The following CEP97 variants were observed in gnomAD, a reference collection of about 807,000 sequenced individuals.
The protein encoded by CEP97 is centrosomal protein of 97 kDa.
CEP97 carries 43 observed loss-of-function variants against 73.1 expected under a neutral mutation model. The ratio of observed to expected loss-of-function variants is 0.59; its 90% CI spans 0.46 to 0.76. CEP97 has a LOEUF of 0.76. CEP97 is among the 30% of genes least tolerant of loss of function. The pLI is 0.00. For synonymous variants in CEP97, 337 were observed against 370.0 expected (o/e 0.91, Z 1.02); for missense variants, 939 against 1,014.0 (o/e 0.93, Z 1.00).
chr3:101,724,649 T>C lies in CEP97; in HGVS notation c.-28T>C, dbSNP rs578050989. ...CTCCACAGAGCCGCGGGAGGACGGT[T>C]GCCTGGTATTATTAGCAAGCAGCAA... On this transcript the variant is annotated 5_prime_UTR_variant, in exon 1 of 11. Coordinates refer to ENST00000341893, the MANE Select transcript of CEP97 (RefSeq NM_024548.4). 2.5e-6 allele frequency: 4 copies of C among 1,614,104 alleles called. No individual in the cohort carries two copies. The East Asian group carries it at 8.9e-5, about 36-fold the overall frequency.
intron 4 of CEP97, among the ~76,000 whole-genome samples, chr3:101,729,494 C>T (rs991053650): frequency 1.3e-5 from 2 of 152,098 alleles, no homozygotes; most frequent in Non-Finnish European, 2.9e-5. Flanking sequence ...TCCCTGTATG[C>T]CCAATCAACC....
intron 1 of CEP97, among the ~76,000 whole-genome samples, chr3:101,725,463 T>A (rs891817068): frequency 6.6e-6 from 1 of 151,912 alleles, no homozygotes; most frequent in African/African-American, 2.4e-5. Context: ...AGACCAGGAG[T>A]GCATTTTCTG....
chr3:101,738,004 T>A (rs1373080333), intron 6 of CEP97, among the ~76,000 whole-genome samples: 36 of 23,206 alleles, frequency 1.6e-3, no homozygotes, highest in Admixed American at 2.3e-3. Context: ...ACCAAACAAA[T>A]GGAAAGCAAA....
chr3:101,765,085 T>G lies in CEP97; in HGVS notation c.2132T>G (p.Val711Gly). 6.2e-7 allele frequency: 1 copy of G among 1,614,188 alleles called. No individual in the cohort carries two copies. Among genetic ancestry groups the G allele is most frequent in the East Asian group, 2.2e-5 (1 of 44,874 alleles). Reference protein sequence around the residue: ...SGFHSSLTEQVHSLQHSLDFE... With the variant: ...SGFHSSLTEQGHSLQHSLDFE... ...TTTCATTCCTCTCTAACAGAACAAG[T>G]TCATTCATTGCAGCATTCTTTGGAT... The change falls in exon 11 of 11, where the codon GTT becomes GGT. Residue 711 changes from valine (V) to glycine (G), a missense_variant. Physicochemically the swap from Val to Gly is moderately radical, Grantham distance 109 (BLOSUM62 -3). Transcript: ENST00000341893.
chr3:101,731,788 C>T, intron 4 of CEP97, 52 bp from the exon 5 acceptor site: 1 of 1,034,996 alleles, frequency 9.7e-7, no homozygotes. Flanking sequence ...CACAATAGGC[C>T]AATTTATTTG....
chr3:101,761,765 T>G (rs1939183586), intron 9 of CEP97, among the ~76,000 whole-genome samples: 2 of 152,092 alleles, frequency 1.3e-5, no homozygotes, highest in African/African-American at 4.8e-5. Flanking sequence ...GGAGAAAGGC[T>G]TGGGGGGCTA....
chr3:101,751,581 A>G (rs528644854), intron 6 of CEP97, among the ~76,000 whole-genome samples: 6 of 152,336 alleles, frequency 3.9e-5, no homozygotes, highest in Admixed American at 2.6e-4. Context: ...GACTTGCTTT[A>G]TGAATCTGGG....
chr3:101,734,544 T>C (rs1200104458), intron 6 of CEP97, among the ~76,000 whole-genome samples: 1 of 152,142 alleles, frequency 6.6e-6, no homozygotes, highest in African/African-American at 2.4e-5. Context: ...CTGTTTTGTA[T>C]AGTTTCTGAG....
chr3:101,768,847 G>A lies in CEP97; in HGVS notation c.*3296G>A, dbSNP rs936071374. 6.6e-6 allele frequency: 1 copy of A among 152,124 alleles called. No homozygotes were observed. Among genetic ancestry groups the A allele is most frequent in the African/African-American group, 2.4e-5 (1 of 41,434 alleles). The allele number at this position is 152,124 out of a possible 1,614,324, so 9.4% of individuals were successfully genotyped here. ...GTTAAAATGTTAACTCTCCTGGTGT[G>A]CAGAAAGCTGTAATCATGACAGTTG... On this transcript the variant is annotated 3_prime_UTR_variant, in exon 11 of 11. Transcript: ENST00000341893.
chr3:101,758,284 G>T lies in CEP97; in HGVS notation c.1678G>T (p.Asp560Tyr). The change falls in exon 9 of 11, where the codon GAT becomes TAT. Residue 560 changes from aspartate to tyrosine, a missense_variant. By Grantham distance (160) the Asp-to-Tyr change is radical (BLOSUM62 -3). Transcript: ENST00000341893. ...CAAAGTTGCCCTTCAGAAATTAAAT[G>T]ATGCAGCCACCAAGCTTCAGGCCTG... ...QDKVALQKLN[D>Y]AATKLQACWR... The T allele has an allele frequency of 6.2e-7, 1 of 1,614,190 alleles. No homozygotes were observed. Among genetic ancestry groups the T allele is most frequent in the Non-Finnish European group, 8.5e-7 (1 of 1,180,028 alleles).
intron 6 of CEP97, among the ~76,000 whole-genome samples, chr3:101,737,021 C>T (rs1360635213): frequency 6.6e-6 from 1 of 152,152 alleles, no homozygotes; most frequent in Non-Finnish European, 1.5e-5. Context: ...CTGCAAAACA[C>T]AGCACGAGAA....
rs1939309705 is a variant in CEP97, at chr3:101,766,026, G to A, written c.*475G>A. 1 of 152,208 alleles carries A rather than the reference G, an allele frequency of 6.6e-6. No homozygotes were observed. The highest frequency in any genetic ancestry group is 6.5e-5 in the Admixed American group (1 of 15,268). The allele number at this position is 152,208 out of a possible 1,614,324, so 9.4% of individuals were successfully genotyped here. The stretch of plus-strand genomic sequence containing the variant: ...GATTGTGAATTATTGAAATTTGCCA[G>A]TCTCCCTGGTGTAAAATGTTTTTTT... On this transcript the variant is annotated 3_prime_UTR_variant, in exon 11 of 11. Coordinates refer to ENST00000341893, the MANE Select transcript of CEP97 (RefSeq NM_024548.4).
intron 6 of CEP97, among the ~76,000 whole-genome samples, chr3:101,740,632 C>G (rs1179352159): frequency 1.3e-5 from 2 of 151,890 alleles, no homozygotes; most frequent in African/African-American, 2.4e-5. Flanking sequence ...TCTTGTTGCC[C>G]AGGCTGGAGT....
intron 6 of CEP97, among the ~76,000 whole-genome samples, chr3:101,749,380 A>G (rs879703578): frequency 1.4e-5 from 2 of 140,292 alleles, no homozygotes; most frequent in Non-Finnish European, 3.1e-5. Flanking sequence ...ACATTTTCTT[A>G]ATCCAGTCTA....
Position 101,767,255 on chromosome 3 carries a change from A to G in CEP97, c.*1704A>G, listed in dbSNP as rs1197139318. ...TTCTGTTTCTTATAAATAAAAGAGT[A>G]ATCTTACTTTCAGAAGGATTTTCCT... is the stretch of plus-strand genomic sequence containing the variant. On this transcript the variant is annotated 3_prime_UTR_variant, in exon 11 of 11. Transcript: ENST00000341893. 6.6e-6 allele frequency: 1 copy of G among 152,240 alleles called. No homozygotes were observed. Among genetic ancestry groups the G allele is most frequent in the African/African-American group, 2.4e-5 (1 of 41,466 alleles). 9.4% of individuals were successfully genotyped at this position (152,240 alleles called of 1,614,324 possible).
rs1429094111 is a variant in CEP97, at chr3:101,768,928, T to C, written c.*3377T>C. 2 of 152,230 alleles carry C rather than the reference T, an allele frequency of 1.3e-5. No individual in the cohort carries two copies. The highest frequency in any genetic ancestry group is 4.8e-5 in the African/African-American group (2 of 41,450). 9.4% of individuals were successfully genotyped at this position (152,230 alleles called of 1,614,324 possible). A position where few individuals can be genotyped will look rare whatever the true frequency, so the allele number is the denominator to read the frequency against. ...TTTAATTATAAAAGGCTTCACAATATGCATGTTTTAGGAAAATGTTCATTT... is the reference window on the plus strand; with the variant it reads ...TTTAATTATAAAAGGCTTCACAATACGCATGTTTTAGGAAAATGTTCATTT... On this transcript the variant is annotated 3_prime_UTR_variant, in exon 11 of 11. Transcript: ENST00000341893.
intron 4 of CEP97, among the ~76,000 whole-genome samples, chr3:101,730,678 G>A (rs1293144181): frequency 6.6e-6 from 1 of 151,466 alleles, no homozygotes; most frequent in Non-Finnish European, 1.5e-5. Context: ...GTAGCATGTA[G>A]CACTTTTTAT....
Position 101,728,894 on chromosome 3 carries a change from A to C in CEP97, c.404A>C (p.Asn135Thr), listed in dbSNP as rs993618832. The change falls in exon 4 of 11, where the codon AAT becomes ACT. Residue 135 changes from asparagine to threonine, a missense_variant. By Grantham distance (65) the Asn-to-Thr change is moderately conservative (BLOSUM62 0). Transcript: ENST00000341893. Reference protein sequence around the residue: ...ALQHLDLSDNNISQIGDLSKL... With the variant: ...ALQHLDLSDNTISQIGDLSKL... The stretch of plus-strand genomic sequence containing the variant: ...CAGCATCTCGATTTATCAGACAATA[A>C]TATATCCCAGATAGGTGATCTATCT... The C allele has an allele frequency of 6.2e-7, 1 of 1,605,180 alleles. No homozygotes were observed. The highest frequency in any genetic ancestry group is 1.3e-5 in the African/African-American group (1 of 74,882).
At position 101,768,876 on chromosome 3, in the gene CEP97, A is replaced by C. The variant is rs1445161503; in HGVS notation, c.*3325A>C. On this transcript the variant is annotated 3_prime_UTR_variant, in exon 11 of 11. Coordinates refer to ENST00000341893, the MANE Select transcript of CEP97 (RefSeq NM_024548.4). Reference sequence around the variant, plus strand: ...AAAGCTGTAATCATGACAGTTGATAATATGCAATTTAGTTTGATTTTATAG... The same window carrying C: ...AAAGCTGTAATCATGACAGTTGATACTATGCAATTTAGTTTGATTTTATAG... 6.6e-6 allele frequency: 1 copy of C among 152,208 alleles called. No homozygotes were observed. Among genetic ancestry groups the C allele is most frequent in the African/African-American group, 2.4e-5 (1 of 41,440 alleles). 9.4% of individuals were successfully genotyped at this position (152,208 alleles called of 1,614,324 possible). A position where few individuals can be genotyped will look rare whatever the true frequency, so the allele number is the denominator to read the frequency against.
Sources: gnomAD v4.1 joint callset for allele counts (sites outside exome capture counted in the v4.1 genomes callset) on GRCh38, gnomAD v4.1.1 for gene constraint, MANE v1.5 for transcripts, NCBI Gene and HGNC (gene_info 2026-07-23, HGNC 2026-07-21) for gene names.